The following CEP170B variants were observed in gnomAD, a reference collection of about 807,000 sequenced individuals.
CEP170B encodes the protein centrosomal protein of 170 kDa protein B.
CEP170B carries 55 observed loss-of-function variants against 120.6 expected under a neutral mutation model. The observed-to-expected ratio is 0.46, with a 90% CI of 0.37 to 0.57. CEP170B has a LOEUF of 0.57. Ranked by LOEUF, CEP170B falls within the 20% of genes least tolerant of loss-of-function variation. CEP170B has a pLI of 0.00. For missense variants in CEP170B, 2,212 were observed against 2,253.3 expected (o/e 0.98, Z 0.37); for synonymous variants, 1,033 against 954.5 (o/e 1.08, Z -1.52).
intron 3 of CEP170B, among the ~76,000 whole-genome samples, 179 bp downstream of exon 3, chr14:104,876,524 T>G: frequency 2.8e-5 from 2 of 70,396 alleles, no homozygotes; most frequent in African/African-American, 6.0e-5. Flanking sequence ...TGGCCCCTCC[T>G]TCTCAGCTCT....
In CEP170B at chr14:104,883,927, A is replaced by G; in HGVS notation, c.1148A>G (p.Gln383Arg). The change falls in exon 9 of 19, where the codon CAG becomes CGG. Residue 383 changes from glutamine to arginine, a missense_variant. By Grantham distance (43) the Gln-to-Arg change is conservative. Around this residue, in one of 2 missense-constraint regions of CEP170B, gnomAD observed 2,166 missense variants for 2,166.7 expected, o/e 1.00. Transcript: ENST00000414716. ...AGVPLEASGE[Q>R]VRLQRQIKRD... ...GTGCCCTTGGAGGCCAGCGGGGAGC[A>G]GGTGCGGCTGCAGAGGCAGATCAAG... 1 of 1,599,954 alleles carries G rather than the reference A, an allele frequency of 6.3e-7. No homozygotes were observed. The highest frequency in any genetic ancestry group is 8.5e-7 in the Non-Finnish European group (1 of 1,173,746).
At position 104,887,764 on chromosome 14, in the gene CEP170B, G is replaced by T; in HGVS notation, c.3525G>T (p.Lys1175Asn). 1 of 1,579,642 alleles carries T rather than the reference G, an allele frequency of 6.3e-7. No individual in the cohort carries two copies. The highest frequency in any genetic ancestry group is 1.8e-5 in the Admixed American group (1 of 56,532). The change falls in exon 12 of 19, where the codon AAG becomes AAT. Residue 1175 changes from lysine (K) to asparagine (N), a missense_variant. Lys to Asn is a moderately conservative substitution (Grantham distance 94). Transcript: ENST00000414716. ...TGGACATCCTGGCCATGCCCCGGAA[G>T]CGGGCCGGCTCCTTCACAGGGACTA... Reference protein sequence around the residue: ...SRLDILAMPRKRAGSFTGTSD... With the variant: ...SRLDILAMPRNRAGSFTGTSD...
intron 5 of CEP170B, among the ~76,000 whole-genome samples, chr14:104,879,049 C>G (rs1177288938): frequency 6.6e-6 from 1 of 152,168 alleles, no homozygotes; most frequent in African/African-American, 2.4e-5. Flanking sequence ...CCTGAGCCCC[C>G]CAGCATCTTT....
At chr14:104,888,921 A>G (rs904690694) in intron 12 of CEP170B, among the ~76,000 whole-genome samples, 3 of 152,204 alleles carry the variant, frequency 2.0e-5, no homozygotes, top group African/African-American at 4.8e-5. Flanking sequence ...GACGTGGTGC[A>G]CTGGTGGTGT....
chr14:104,867,283 A>T lies in CEP170B; in HGVS notation c.-27-1141A>T, dbSNP rs1322658915. ...CCCTCTGCCTGGAATGCAGTCCCAC[A>T]AGCGTTCATGGGCTCACTTCCACCC... is the stretch of plus-strand genomic sequence containing the variant. On this transcript the variant is annotated intron_variant, in intron 1 of 18. Coordinates refer to ENST00000414716, the MANE Select transcript of CEP170B (RefSeq NM_001112726.3). The surrounding 1 kb of genome is among the most constrained non-coding windows in gnomAD (Gnocchi z 5.4). 5.3e-5 allele frequency among the ~76,000 whole-genome samples: 8 copies of T among 152,174 alleles called. No homozygotes were observed. The highest frequency in any genetic ancestry group is 1.0e-4 in the Non-Finnish European group (7 of 67,996).
chr14:104,894,010 G>A, intron 16 of CEP170B, 161 bp downstream of exon 16: 1 of 747,618 alleles, frequency 1.3e-6, no homozygotes, highest in Non-Finnish European at 2.2e-6. Flanking sequence ...GCTCCCAGCA[G>A]GCAGACCCTG....
At chr14:104,876,395 C>T (rs1340332472) in intron 3 of CEP170B, 50 bp downstream of exon 3, 2 of 1,512,926 alleles carry the variant, frequency 1.3e-6, no homozygotes, top group Non-Finnish European at 9.0e-7. Context: ...GACCCTTCAG[C>T]CCTGGCCCCT....
rs1348763644 is a variant in CEP170B, at chr14:104,895,608, C to A, written c.*650C>A. On this transcript the variant is annotated 3_prime_UTR_variant, in exon 19 of 19. Coordinates refer to ENST00000414716, the MANE Select transcript of CEP170B (RefSeq NM_001112726.3). ...GCTTGGGGCTGCCCTGTGGAGGCCTCCTGGGTATGGACCAGGGGCTTGTTG... is the reference window on the plus strand; with the variant it reads ...GCTTGGGGCTGCCCTGTGGAGGCCTACTGGGTATGGACCAGGGGCTTGTTG... The A allele has an allele frequency of 6.5e-6, 1 of 152,676 alleles. No individual in the cohort carries two copies. The highest frequency in any genetic ancestry group is 2.4e-5 in the African/African-American group (1 of 41,482). 9.5% of individuals were successfully genotyped at this position (152,676 alleles called of 1,614,324 possible). A position where few individuals can be genotyped will look rare whatever the true frequency, so the allele number is the denominator to read the frequency against.
At position 104,872,493 on chromosome 14, in the gene CEP170B, T is replaced by TGTGCC. The variant is rs146297910; in HGVS notation, c.106-3760_106-3759insCCGTG. ...GCCGTGTGTGTGCGTGTGTGCCGTG[T>TGTGCC]GTGTGTGCGTGTGTAAGTGTGCATG... On this transcript the variant is annotated intron_variant, in intron 2 of 18. Coordinates refer to ENST00000414716, the MANE Select transcript of CEP170B (RefSeq NM_001112726.3). Among the ~76,000 whole-genome samples, 4 of 80,356 alleles carry TGTGCC rather than the reference T, an allele frequency of 5.0e-5. 1 individual carries two copies. The highest frequency in any genetic ancestry group is 1.4e-4 in the Non-Finnish European group (4 of 27,782). 52.7% of individuals were successfully genotyped at this position (80,356 alleles called of 152,430 possible).
At chr14:104,874,713 C>A (rs79544488) in intron 2 of CEP170B, among the ~76,000 whole-genome samples, 1,981 of 151,492 alleles carry the variant, frequency 0.013, 32 homozygotes, top group African/African-American at 0.029. Context: ...CTGCAGTCCT[C>A]CCCCTGGTCC....
At chr14:104,876,445 C>A in intron 3 of CEP170B, 100 bp downstream of exon 3, 1 of 1,088,756 alleles carries the variant, frequency 9.2e-7, no homozygotes, top group Non-Finnish European at 1.4e-6. Flanking sequence ...ATAGCCCCTC[C>A]CTCTCAGCCC....
rs765940197 is a variant in CEP170B, at chr14:104,883,228, C to T, written c.771C>T (p.Gly257=). ...CGAAGGATGCAGAGGCAGGTGGGGG[C>T]GGAGCGGCCCCTGTGGTGCAGAGCC... ...MPTKDAEAGG[G]GAAPVVQSHA... Residue 257 remains glycine (G), a synonymous_variant, in exon 8 of 19, where the codon GGC becomes GGT. Transcript: ENST00000414716. The T allele has an allele frequency of 2.0e-5, 32 of 1,610,866 alleles. No individual in the cohort carries two copies. Among genetic ancestry groups the T allele is most frequent in the Middle Eastern group, 1.6e-4 (1 of 6,080 alleles).
intron 6 of CEP170B, among the ~76,000 whole-genome samples, chr14:104,881,286 G>C (rs1896142515): frequency 6.6e-6 from 1 of 152,116 alleles, no homozygotes; most frequent in Admixed American, 6.5e-5. Context: ...GGTGTGGAGG[G>C]GTCGGGGTGG....
chr14:104,889,026 ACT>A, intron 12 of CEP170B, among the ~76,000 whole-genome samples: 1 of 152,226 alleles, frequency 6.6e-6, no homozygotes, highest in Middle Eastern at 3.4e-3. Context: ...GGAGGCCAGG[ACT>A]CTGCCCAGGA....
intron 3 of CEP170B, 101 bp downstream of exon 3, chr14:104,876,446 C>A (rs576956860): frequency 4.6e-6 from 5 of 1,087,582 alleles, no homozygotes; most frequent in Admixed American, 2.0e-5. Flanking sequence ...TAGCCCCTCC[C>A]TCTCAGCCCT....
Position 104,884,103 on chromosome 14 carries a change from G to T in CEP170B, c.1324G>T (p.Asp442Tyr), listed in dbSNP as rs763733382. The T allele has an allele frequency of 1.3e-6, 2 of 1,579,050 alleles. No homozygotes were observed. Among genetic ancestry groups the T allele is most frequent in the South Asian group, 1.1e-5 (1 of 86,970 alleles). The change falls in exon 9 of 19, where the codon GAT (aspartate) becomes TAT (tyrosine). Residue 442 changes from aspartate to tyrosine, a missense_variant. Asp to Tyr is a radical substitution (Grantham distance 160). Coordinates refer to ENST00000414716, the MANE Select transcript of CEP170B (RefSeq NM_001112726.3). ...CAAGCGCCGTGGCCCAACGCCGGCC[G>T]ATAGGGACCGCCCCAGTGTCCCAGC... ...ADKRRGPTPA[D>Y]RDRPSVPAPV...
chr14:104,887,556 C>T lies in CEP170B; in HGVS notation c.3317C>T (p.Pro1106Leu), dbSNP rs368460176. The change falls in exon 12 of 19, where the codon CCG becomes CTG. Residue 1106 changes from proline (P) to leucine (L), a missense_variant. Pro to Leu is a moderately conservative substitution (Grantham distance 98). Transcript: ENST00000414716. ...SRSSASSQKG[P>L]QALTRSNSLS... is the part of the protein sequence containing the mutation. ...AGCTCAGCCAGCTCCCAGAAGGGGC[C>T]GCAGGCCTTGACCCGCTCCAACAGC... 13 of 1,605,934 alleles carry T rather than the reference C, an allele frequency of 8.1e-6. No individual in the cohort carries two copies. The highest frequency in any genetic ancestry group is 6.7e-5 in the African/African-American group (5 of 74,842).
intron 13 of CEP170B, among the ~76,000 whole-genome samples, chr14:104,892,597 G>A (rs1053022449): frequency 5.9e-5 from 9 of 152,214 alleles, no homozygotes; most frequent in Non-Finnish European, 8.8e-5. Flanking sequence ...GCACCCACAC[G>A]TTCTATGACT....
At position 104,889,686 on chromosome 14, in the gene CEP170B, C is replaced by T. The variant is rs367693673; in HGVS notation, c.3806C>T (p.Thr1269Met). The T allele has an allele frequency of 4.7e-5, 76 of 1,612,006 alleles. No individual in the cohort carries two copies. Among genetic ancestry groups the T allele is most frequent in the Non-Finnish European group, 6.1e-5 (72 of 1,179,722 alleles). Residue 1269 changes from threonine (T) to methionine (M), a missense_variant, in exon 13 of 19, where the codon ACG (threonine) becomes ATG (methionine). Physicochemically the swap from Thr to Met is moderately conservative, Grantham distance 81. Around this residue, in one of 2 missense-constraint regions of CEP170B, gnomAD observed 2,166 missense variants for 2,166.7 expected, o/e 1.00. Transcript: ENST00000414716. ...TCCCGGGCCCCCGGCCCCCGGGACA[C>T]GGACGACGATGAGGAGGAGCCTGAC... ...ARSRAPGPRD[T>M]DDDEEEPDPY...
Sources: gnomAD v4.1 joint callset for allele counts (sites outside exome capture counted in the v4.1 genomes callset) on GRCh38, gnomAD v4.1.1 for gene constraint, gnomAD v4.1.1 regional missense constraint, Gnocchi (gnomAD v3.1) non-coding constraint, MANE v1.5 for transcripts, NCBI Gene and HGNC (gene_info 2026-07-23, HGNC 2026-07-21) for gene names.